Variants in PLCB2 observed in about 807,000 individuals in gnomAD.
The protein encoded by PLCB2 is 1-phosphatidylinositol 4,5-bisphosphate phosphodiesterase beta-2.
A neutral mutation model predicts 141.7 loss-of-function variants in PLCB2; 115 were observed. The ratio of observed to expected loss-of-function variants is 0.81; its 90% confidence interval spans 0.70 to 0.95. PLCB2 has a LOEUF of 0.95. Ranked by LOEUF, PLCB2 falls within the 40% of genes least tolerant of loss-of-function variation. PLCB2 has a pLI of 0.00. For synonymous variants in PLCB2, 603 were observed against 595.6 expected (o/e 1.01, Z -0.18); for missense variants, 1,403 against 1,541.1 (o/e 0.91, Z 1.50).
At position 40,288,764 on chromosome 15, in the gene PLCB2, T is replaced by G; in HGVS notation, c.3509A>C (p.Glu1170Ala). The G allele has an allele frequency of 6.2e-7, 1 of 1,612,902 alleles. No homozygotes were observed. The highest frequency in any genetic ancestry group is 1.1e-5 in the South Asian group (1 of 91,042). Residue 1170 changes from glutamate to alanine, a missense_variant, in exon 32 of 32, where the codon GAG (glutamate) becomes GCG (alanine). Transcript: ENST00000260402. ...RACECPPELC[E>A]QDPLIAKADA... ...TGCCTTTGCTATGAGTGGGTCCTGC[T>G]CACACAGCTCTGGGGGGCACTCGCA...
At position 40,288,295 on chromosome 15, in the gene PLCB2, G is replaced by C. The variant is rs1325802109; in HGVS notation, c.*420C>G. ...CAGGCCTGATGGGGCCTGGAAGCCT[G>C]GGGCAGGAGGGTTCGGGGCTAGAGT... On this transcript the variant is annotated 3_prime_UTR_variant, in exon 32 of 32. Coordinates refer to ENST00000260402, the MANE Select transcript of PLCB2 (RefSeq NM_004573.3). 3.0e-6 allele frequency: 3 copies of C among 991,846 alleles called. No homozygotes were observed. The highest frequency in any genetic ancestry group is 2.4e-6 in the Non-Finnish European group (2 of 834,490). The allele number at this position is 991,846 out of a possible 1,614,324, so 61.4% of individuals were successfully genotyped here.
At position 40,291,983 on chromosome 15, in the gene PLCB2, G is replaced by A. The variant is rs1338696887; in HGVS notation, c.2527-59C>T. 3.7e-6 allele frequency: 6 copies of A among 1,605,758 alleles called. No homozygotes were observed. The East Asian group carries it at 1.1e-4, about 30-fold the overall frequency. ...GACAGCCCTCTCTCCCCGAGCCTGG[G>A]ACTCGGCCCTCTCCCCAGCCTCTCC... On this transcript the variant is annotated intron_variant, in intron 23 of 31. Coordinates refer to ENST00000260402, the MANE Select transcript of PLCB2 (RefSeq NM_004573.3).
chr15:40,292,192 T>G lies in PLCB2; in HGVS notation c.2432-34A>C, dbSNP rs775181958. 3 of 1,587,614 alleles carry G rather than the reference T, an allele frequency of 1.9e-6. No individual in the cohort carries two copies. In the East Asian group the frequency reaches 6.7e-5, roughly 36 times the overall value. ...GTGCACAGGACATTACAACATAGTG[T>G]ATATGGAGATGTGGCTGGAAGTCTC... On this transcript the variant is annotated intron_variant, in intron 22 of 31. Transcript: ENST00000260402.
chr15:40,293,570 A>G lies in PLCB2; in HGVS notation c.2216T>C (p.Val739Ala). 1.2e-6 allele frequency: 2 copies of G among 1,613,694 alleles called. No individual in the cohort carries two copies. Among genetic ancestry groups the G allele is most frequent in the East Asian group, 2.2e-5 (1 of 44,862 alleles). Residue 739 changes from valine to alanine, a missense_variant, in exon 20 of 32, where the codon GTC (valine) becomes GCC (alanine). Transcript: ENST00000260402. ...TGCCCTGGCCCCCACCTTCTCAAAG[A>G]CAAAGGGCTCCTCCTTCCAGACAGG... The part of the protein sequence containing the change: ...INPVWKEEPF[V>A]FEKILMPELA...
chr15:40,293,779 C>G lies in PLCB2; in HGVS notation c.2062-55G>C. 2 of 1,581,438 alleles carry G rather than the reference C, an allele frequency of 1.3e-6. 1 individual carries two copies. Among genetic ancestry groups the G allele is most frequent in the South Asian group, 2.2e-5 (2 of 89,288 alleles). The stretch of plus-strand genomic sequence containing the variant: ...TCAAATCCCCACCCAGGCTCTTCCC[C>G]AAGCATCTGGGGCCCCTGGCTGCCT... On this transcript the variant is annotated intron_variant, in intron 19 of 31. Coordinates refer to ENST00000260402, the MANE Select transcript of PLCB2 (RefSeq NM_004573.3).
chr15:40,293,154 A>G, intron 20 of PLCB2, 129 bp from the exon 21 acceptor site: 2 of 617,352 alleles, frequency 3.2e-6, no homozygotes, highest in Non-Finnish European at 5.9e-6. Flanking sequence ...GTGAGGACAG[A>G]CAGAGGGCAC....
downstream of PLCB2, among the ~76,000 whole-genome samples, chr15:40,284,842 A>AG (rs1282360082): frequency 1.2e-5 from 1 of 85,312 alleles, no homozygotes; most frequent in African/African-American, 3.3e-5. Context: ...CCGTCAAAAA[A>AG]AAAAAAAAAA....
chr15:40,304,546 A>G (rs2040698583), intron 1 of PLCB2, among the ~76,000 whole-genome samples: 1 of 151,982 alleles, frequency 6.6e-6, no homozygotes, highest in Non-Finnish European at 1.5e-5. Context: ...CCCACCTCCA[A>G]ACCTAAGTGC....
At position 40,292,324 on chromosome 15, in the gene PLCB2, G is replaced by T. The variant is rs1280865757; in HGVS notation, c.2431+15C>A. ...ACAGACACCCCGAGGCTCCTGGCAT[G>T]CCATGGGCTCCTACCTGCCCAAGCA... On this transcript the variant is annotated intron_variant, in intron 22 of 31. Coordinates refer to ENST00000260402, the MANE Select transcript of PLCB2 (RefSeq NM_004573.3). 6.3e-7 allele frequency: 1 copy of T among 1,584,406 alleles called. No individual in the cohort carries two copies. Among genetic ancestry groups the T allele is most frequent in the Non-Finnish European group, 8.7e-7 (1 of 1,154,564 alleles).
downstream of PLCB2, among the ~76,000 whole-genome samples, chr15:40,286,932 C>A (rs1402417439): frequency 6.6e-6 from 1 of 152,214 alleles, no homozygotes; most frequent in East Asian, 1.9e-4. Context: ...GTGGCCTGGC[C>A]CAGAGGTGAG....
Position 40,291,417 on chromosome 15 carries a change from C to T in PLCB2, c.2718G>A (p.Glu906=). 6.5e-7 allele frequency: 1 copy of T among 1,538,334 alleles called. No individual in the cohort carries two copies. Among genetic ancestry groups the T allele is most frequent in the Middle Eastern group, 1.7e-4 (1 of 5,908 alleles). The change falls in exon 26 of 32, where the codon GAG becomes GAA. Residue 906 remains glutamate, a synonymous_variant. Transcript: ENST00000260402. ...GCCGCTCCAACTCTCGCAGCTCCTT[C>T]TCGTGCCGCCGCTGCAGCTTCACCA... ...KGVVKLQRRH[E]KELRELERRG... is the part of the protein sequence containing the mutation.
intron 18 of PLCB2, 138 bp from the exon 19 acceptor site, chr15:40,294,558 C>T: frequency 4.7e-6 from 4 of 846,250 alleles, no homozygotes; most frequent in Non-Finnish European, 7.5e-6. Flanking sequence ...TTCTCCTGTC[C>T]CAGTCTGGTT....
chr15:40,304,644 G>A (rs577863174), intron 1 of PLCB2, among the ~76,000 whole-genome samples: 4 of 152,192 alleles, frequency 2.6e-5, no homozygotes, highest in Non-Finnish European at 4.4e-5. Flanking sequence ...TACAGTAACC[G>A]GGGGGATGTG....
At position 40,288,615 on chromosome 15, in the gene PLCB2, A is replaced by G; in HGVS notation, c.*100T>C. 1 of 1,424,692 alleles carries G rather than the reference A, an allele frequency of 7.0e-7. No homozygotes were observed. The highest frequency in any genetic ancestry group is 9.2e-7 in the Non-Finnish European group (1 of 1,089,774). 88.3% of individuals were successfully genotyped at this position (1,424,692 alleles called of 1,614,324 possible). On this transcript the variant is annotated 3_prime_UTR_variant, in exon 32 of 32. Transcript: ENST00000260402. ...GTCCAAGGCAGCCACAGGTTCCCAC[A>G]GCCTCAGAAGGCTGGGGCTCCTTTT...
At chr15:40,299,251 G>A in intron 7 of PLCB2, 23 bp from the exon 8 acceptor site, 8 of 1,504,540 alleles carry the variant, frequency 5.3e-6, no homozygotes, top group Non-Finnish European at 7.4e-6. Context: ...TAACCTTATT[G>A]CCCCTGCCCT....
At chr15:40,300,556 C>A (rs1176883927) in intron 7 of PLCB2, 1 of 152,136 alleles carries the variant, frequency 6.6e-6, no homozygotes, top group East Asian at 1.9e-4. Flanking sequence ...TATATCCATA[C>A]AATGGAATAT....
intron 1 of PLCB2, 43 bp from the exon 2 acceptor site, chr15:40,304,121 C>T: frequency 7.2e-7 from 1 of 1,383,426 alleles, no homozygotes; most frequent in Non-Finnish European, 1.0e-6. Flanking sequence ...AGACCTCAGG[C>T]CAAGCCTCCC....
chr15:40,285,656 G>C, downstream of PLCB2: 2 of 985,344 alleles, frequency 2.0e-6, no homozygotes, highest in South Asian at 4.7e-5. Context: ...GCAGAAGAAA[G>C]GCTTTTCTTC....
chr15:40,286,787 G>A (rs1433018986), downstream of PLCB2, among the ~76,000 whole-genome samples: 2 of 152,244 alleles, frequency 1.3e-5, no homozygotes, highest in Non-Finnish European at 2.9e-5. Flanking sequence ...GAGGAAAGCA[G>A]GGAGGCAGGT....
Sources: allele counts gnomAD v4.1 joint callset (sites outside exome capture counted in the v4.1 genomes callset), GRCh38; gene constraint gnomAD v4.1.1; transcripts MANE v1.5; gene names NCBI Gene and HGNC (gene_info 2026-07-23, HGNC 2026-07-21).